The following BCAS3 variants were observed in gnomAD, a reference collection of about 807,000 sequenced individuals.
BCAS3 encodes the protein BCAS4/BCAS3 fusion.
A neutral mutation model predicts 116.1 loss-of-function variants in BCAS3; 53 were observed. That is an observed-to-expected ratio of 0.46 (90% CI 0.37 to 0.57). BCAS3 has a LOEUF of 0.57. Ranked by LOEUF, BCAS3 falls within the 20% of genes least tolerant of loss-of-function variation. The pLI is 0.00. For synonymous variants in BCAS3, 391 were observed against 408.2 expected (o/e 0.96, Z 0.51); for missense variants, 917 against 1,165.4 (o/e 0.79, Z 3.10).
At chr17:60,886,741 C>T (rs1176377829) in intron 9 of BCAS3, among the ~76,000 whole-genome samples, 2 of 152,116 alleles carry the variant, frequency 1.3e-5, no homozygotes, top group African/African-American at 4.8e-5. Context: ...GGGGGTGCCT[C>T]CCAGTTAGGC....
chr17:61,085,078 T>C (rs555759915), intron 22 of BCAS3, among the ~76,000 whole-genome samples: 1 of 152,248 alleles, frequency 6.6e-6, no homozygotes, highest in Non-Finnish European at 1.5e-5. Flanking sequence ...GGAAACAAGC[T>C]ATGAATATGT....
intron 22 of BCAS3, among the ~76,000 whole-genome samples, chr17:61,242,577 CA>C (rs1350155396): frequency 6.6e-6 from 1 of 152,126 alleles, no homozygotes; most frequent in Non-Finnish European, 1.5e-5. Context: ...TCACTGAATG[CA>C]AATTTGCAAA....
At chr17:60,955,839 A>G (rs1310871792) in intron 14 of BCAS3, among the ~76,000 whole-genome samples, 2 of 152,184 alleles carry the variant, frequency 1.3e-5, no homozygotes, top group Non-Finnish European at 2.9e-5. Flanking sequence ...CATTATGATT[A>G]GATTTAGCTT....
intron 7 of BCAS3, among the ~76,000 whole-genome samples, chr17:60,852,134 G>GTT (rs201461939): frequency 1.1e-3 from 155 of 146,762 alleles, no homozygotes; most frequent in African/African-American, 3.4e-3. Flanking sequence ...TATTCCCGTG[G>GTT]TTTTTTTTTT....
intron 23 of BCAS3, among the ~76,000 whole-genome samples, chr17:61,386,422 C>T (rs1183154602): frequency 6.6e-6 from 1 of 152,370 alleles, no homozygotes; most frequent in Non-Finnish European, 1.5e-5. Flanking sequence ...TCTCATCCTA[C>T]TCCCACCAGT....
chr17:61,067,726 CAA>C lies in BCAS3; in HGVS notation c.2030-7180_2030-7179del, dbSNP rs377228440. 6.0e-3 allele frequency among the ~76,000 whole-genome samples: 655 copies of C among 108,962 alleles called. 3 individuals carry two copies. The highest frequency in any genetic ancestry group is 0.02 in the African/African-American group (541 of 26,610). 71.5% of individuals were successfully genotyped at this position (108,962 alleles called of 152,430 possible). A position where few individuals can be genotyped will look rare whatever the true frequency, so the allele number is the denominator to read the frequency against. On this transcript the variant is annotated intron_variant, in intron 19 of 23. Coordinates refer to ENST00000407086, the MANE Select transcript of BCAS3 (RefSeq NM_017679.5). Reference sequence around the variant, plus strand: ...CAAGACTCCATCTCAAACAAACAAACAAAAAAAAAAAAAAATATATATATATA... The same window carrying C: ...CAAGACTCCATCTCAAACAAACAAACAAAAAAAAAAAAATATATATATATA...
intron 22 of BCAS3, among the ~76,000 whole-genome samples, chr17:61,193,039 A>G (rs2080242720): frequency 6.6e-6 from 1 of 152,206 alleles, no homozygotes; most frequent in East Asian, 1.9e-4. Context: ...AGGCAGGCGG[A>G]TCACCTGAGC....
At chr17:61,338,400 C>CT (rs35226282) in intron 22 of BCAS3, among the ~76,000 whole-genome samples, 18 of 142,466 alleles carry the variant, frequency 1.3e-4, no homozygotes, top group South Asian at 2.6e-4. Flanking sequence ...ACCAGAGTCG[C>CT]TTTTTTTTTT....
At position 61,381,219 on chromosome 17, in the gene BCAS3, A is replaced by G. The variant is rs2059587989; in HGVS notation, c.2594-10758A>G. On this transcript the variant is annotated intron_variant, in intron 23 of 23. Transcript: ENST00000407086. This position sits in a 1 kb window ranked among gnomAD's most constrained non-coding sequence, Gnocchi z 6.0. ...AGGCAAATCGATATCTTAATACACC[A>G]AAGTGGAATTGCATTTCTAGATTTG... Among the ~76,000 whole-genome samples the G allele has an allele frequency of 6.6e-6, 1 of 152,324 alleles. No homozygotes were observed. Among genetic ancestry groups the G allele is most frequent in the Admixed American group, 6.5e-5 (1 of 15,302 alleles).
At position 61,200,330 on chromosome 17, in the gene BCAS3, G is replaced by A. The variant is rs549105882; in HGVS notation, c.2425+115766G>A. ...TAGCTTATTATTCTTGCCTTACTGG[G>A]CAGTACACTGTTTGATAATAGTGAC... On this transcript the variant is annotated intron_variant, in intron 22 of 23. Transcript: ENST00000407086. The surrounding 1 kb of genome is among the most constrained non-coding windows in gnomAD (Gnocchi z 5.1). 6.6e-6 allele frequency among the ~76,000 whole-genome samples: 1 copy of A among 152,302 alleles called. No individual in the cohort carries two copies. The highest frequency in any genetic ancestry group is 1.9e-4 in the East Asian group (1 of 5,188).
chr17:60,722,451 T>C (rs890357536), intron 5 of BCAS3, among the ~76,000 whole-genome samples: 1 of 152,152 alleles, frequency 6.6e-6, no homozygotes, highest in Admixed American at 6.6e-5. Context: ...GTTGATATCT[T>C]CTGTGAGGTT....
intron 23 of BCAS3, among the ~76,000 whole-genome samples, chr17:61,385,498 G>A (rs1268148461): frequency 6.6e-6 from 1 of 152,192 alleles, no homozygotes; most frequent in South Asian, 2.1e-4. Flanking sequence ...TCCCATCAAG[G>A]GAAAATGCAG....
intron 13 of BCAS3, among the ~76,000 whole-genome samples, chr17:60,938,933 G>C (rs115321063): frequency 0.025 from 3,767 of 152,226 alleles, 187 homozygotes; most frequent in African/African-American, 0.086. Flanking sequence ...AAGACTGACA[G>C]TATCAAATGT....
intron 2 of BCAS3, among the ~76,000 whole-genome samples, chr17:60,683,016 C>T (rs1004887334): frequency 6.6e-6 from 1 of 152,078 alleles, no homozygotes; most frequent in Non-Finnish European, 1.5e-5. Context: ...GGTTCAACTC[C>T]ACCTCAGCTT....
intron 22 of BCAS3, among the ~76,000 whole-genome samples, chr17:61,120,537 G>A (rs547109609): frequency 1.6e-4 from 24 of 152,084 alleles, no homozygotes; most frequent in African/African-American, 5.3e-4. Flanking sequence ...AATATATGCA[G>A]ATATAGAGTG....
At chr17:61,163,711 G>A (rs34613027) in intron 22 of BCAS3, among the ~76,000 whole-genome samples, 12,138 of 152,042 alleles carry the variant, frequency 0.08, 658 homozygotes, top group Non-Finnish European at 0.12. Context: ...AAATAGCCAG[G>A]CACGGTGGCT....
intron 5 of BCAS3, 133 bp downstream of exon 5, chr17:60,709,458 C>T (rs776006180): frequency 3.3e-5 from 18 of 551,858 alleles, no homozygotes; most frequent in Non-Finnish European, 4.9e-5. Context: ...GGTGCGATCT[C>T]GGCTCACTGC....
chr17:61,099,349 T>TA (rs1445178149), intron 22 of BCAS3, among the ~76,000 whole-genome samples: 2 of 152,130 alleles, frequency 1.3e-5, no homozygotes, highest in Non-Finnish European at 2.9e-5. Context: ...TTAATAATGA[T>TA]AGTCAGTGAT....
At chr17:60,763,118 A>G (rs2043705471) in intron 6 of BCAS3, among the ~76,000 whole-genome samples, 2 of 152,186 alleles carry the variant, frequency 1.3e-5, no homozygotes, top group Admixed American at 6.5e-5. Context: ...GGTTTTCTAA[A>G]TATGCAATCA....
Sources: allele counts gnomAD v4.1 joint callset (sites outside exome capture counted in the v4.1 genomes callset), GRCh38; gene constraint gnomAD v4.1.1; non-coding constraint Gnocchi (gnomAD v3.1); transcripts MANE v1.5; gene names NCBI Gene and HGNC (gene_info 2026-07-23, HGNC 2026-07-21).